ARHGAP18: variants seen among roughly 807,000 people sequenced by gnomAD.
The protein encoded by ARHGAP18 is Rho GTPase activating protein 18.
In ARHGAP18, 67 loss-of-function variants were observed where a neutral mutation model predicts 86.2. That is an observed-to-expected ratio of 0.78 (90% CI 0.64 to 0.95). The LOEUF is 0.95. ARHGAP18 is among the 40% of genes least tolerant of loss of function. The pLI is 0.00. For synonymous variants in ARHGAP18, 283 were observed against 280.4 expected (o/e 1.01, Z -0.09); for missense variants, 691 against 780.4 (o/e 0.89, Z 1.37).
At chr6:129,670,991 T>A (rs890016122) in intron 1 of ARHGAP18, among the ~76,000 whole-genome samples, 34 of 152,200 alleles carry the variant, frequency 2.2e-4, no homozygotes, top group African/African-American at 8.2e-4. Context: ...CTTCAAATCA[T>A]AACATTTGCA....
Position 129,577,756 on chromosome 6 carries a change from T to G in ARHGAP18, c.*757A>C, listed in dbSNP as rs1203678664. 6.6e-6 allele frequency: 1 copy of G among 152,230 alleles called. No homozygotes were observed. Among genetic ancestry groups the G allele is most frequent in the Non-Finnish European group, 1.5e-5 (1 of 68,034 alleles). 9.4% of individuals were successfully genotyped at this position (152,230 alleles called of 1,614,324 possible). A position where few individuals can be genotyped will look rare whatever the true frequency, so the allele number is the denominator to read the frequency against. On this transcript the variant is annotated 3_prime_UTR_variant, in exon 15 of 15. Transcript: ENST00000368149. ...GAAAGTGCTTTGGCTTTCACTCTCT[T>G]GTTATCCATAATCCAATTATTATTT...
At chr6:129,667,449 A>G (rs1024790123) in intron 1 of ARHGAP18, among the ~76,000 whole-genome samples, 1 of 148,682 alleles carries the variant, frequency 6.7e-6, no homozygotes, top group Admixed American at 6.8e-5. Context: ...AACCAGGTCT[A>G]TATCAAAAGA....
chr6:129,672,269 C>T (rs2114528983), intron 1 of ARHGAP18, among the ~76,000 whole-genome samples: 1 of 152,336 alleles, frequency 6.6e-6, no homozygotes, highest in Non-Finnish European at 1.5e-5. Flanking sequence ...TACATCAAGT[C>T]TCACTAATGT....
chr6:129,649,904 CTTTT>C (rs370338328), intron 1 of ARHGAP18, among the ~76,000 whole-genome samples: 12 of 115,640 alleles, frequency 1.0e-4, no homozygotes, highest in Admixed American at 2.6e-4. Context: ...ACTTCGTCTT[CTTTT>C]TTTTTGTTTT....
At chr6:129,701,213 C>T (rs536868799) in intron 1 of ARHGAP18, among the ~76,000 whole-genome samples, 34 of 152,190 alleles carry the variant, frequency 2.2e-4, no homozygotes, top group Admixed American at 6.5e-4. Flanking sequence ...CATTCTCAAA[C>T]GTTACACATT....
chr6:129,595,367 T>A (rs538441710), intron 12 of ARHGAP18, among the ~76,000 whole-genome samples: 367 of 152,304 alleles, frequency 2.4e-3, no homozygotes, highest in Middle Eastern at 0.01. Flanking sequence ...GCCACCTCTG[T>A]TCTTTTGGAT....
rs770790096 is a variant in ARHGAP18, at chr6:129,580,100, C to T, written c.1870G>A (p.Val624Ile). 1 of 1,613,712 alleles carries T rather than the reference C, an allele frequency of 6.2e-7. No individual in the cohort carries two copies. Among genetic ancestry groups the T allele is most frequent in the Non-Finnish European group, 8.5e-7 (1 of 1,179,770 alleles). The change falls in exon 14 of 15, where the codon GTT (valine) becomes ATT (isoleucine). Residue 624 changes from valine to isoleucine, a missense_variant. Coordinates refer to ENST00000368149, the MANE Select transcript of ARHGAP18 (RefSeq NM_033515.3). Reference sequence around the variant, plus strand: ...TTTCCTCCAATTTCATACAAAAAAACTTCTCCTTTCTTGAGAGTCTGGGCA... The same window carrying T: ...TTTCCTCCAATTTCATACAAAAAAATTTCTCCTTTCTTGAGAGTCTGGGCA... Reference protein sequence around the residue: ...GVAQTLKKGEVFLYEIGGNIG... With the variant: ...GVAQTLKKGEIFLYEIGGNIG...
intron 3 of ARHGAP18, among the ~76,000 whole-genome samples, chr6:129,636,213 C>T (rs993312079): frequency 6.6e-6 from 1 of 152,140 alleles, no homozygotes; most frequent in Non-Finnish European, 1.5e-5. Context: ...TAAGCAAGTG[C>T]CTGGAGCAAT....
rs758416176 is a variant in ARHGAP18, at chr6:129,583,947, G to T, written c.1838+41C>A. 6.9e-6 allele frequency: 11 copies of T among 1,590,232 alleles called. No homozygotes were observed. In the South Asian group the frequency reaches 1.2e-4, roughly 18 times the overall value. Reference sequence around the variant, plus strand: ...CGAAGGCGAGAGAGAGAGAGCAAGTGACTTATGCCATGGCATAATTAACAC... The same window carrying T: ...CGAAGGCGAGAGAGAGAGAGCAAGTTACTTATGCCATGGCATAATTAACAC... On this transcript the variant is annotated intron_variant, in intron 13 of 14. Transcript: ENST00000368149.
intron 1 of ARHGAP18, among the ~76,000 whole-genome samples, chr6:129,709,567 G>T (rs923700384): frequency 1.3e-5 from 2 of 151,948 alleles, no homozygotes; most frequent in African/African-American, 4.9e-5. Flanking sequence ...AGCAAAGAGA[G>T]GGGGGAAAAA....
At chr6:129,676,179 C>T (rs1387977957) in intron 1 of ARHGAP18, among the ~76,000 whole-genome samples, 1 of 152,174 alleles carries the variant, frequency 6.6e-6, no homozygotes, top group Non-Finnish European at 1.5e-5. Flanking sequence ...TTCCTCACAT[C>T]TTATGCAGTT....
chr6:129,655,730 T>A (rs910028597), intron 1 of ARHGAP18, among the ~76,000 whole-genome samples: 8 of 152,220 alleles, frequency 5.3e-5, no homozygotes, highest in Non-Finnish European at 1.2e-4. Flanking sequence ...ATTGTTAAAC[T>A]CTAAACAAAC....
chr6:129,638,043 A>T (rs1247627683), intron 3 of ARHGAP18, among the ~76,000 whole-genome samples: 3 of 152,218 alleles, frequency 2.0e-5, no homozygotes, highest in Non-Finnish European at 2.9e-5. Context: ...ATAGGGAAGA[A>T]TACCCTAATC....
intron 1 of ARHGAP18, among the ~76,000 whole-genome samples, chr6:129,664,699 T>G (rs978896218): frequency 6.6e-6 from 1 of 152,224 alleles, no homozygotes; most frequent in Non-Finnish European, 1.5e-5. Context: ...ACACTCTAAA[T>G]GCTGGGGATT....
rs1232644851 is a variant in ARHGAP18 at position 129,618,843 on chromosome 6, A to G, written c.796T>C (p.Leu266=). 6.2e-7 allele frequency: 1 copy of G among 1,611,892 alleles called. No homozygotes were observed. Among genetic ancestry groups the G allele is most frequent in the Admixed American group, 1.7e-5 (1 of 59,696 alleles). ...GDDATLPSFR[L]PKDKTGTTRI... ...GTGGTACCCGTTTTGTCTTTTGGCA[A>G]TCTGAAACTCTAAAATAAACATCAT... Residue 266 remains leucine (L), a synonymous_variant, in exon 6 of 15, where the codon TTG becomes CTG. Transcript: ENST00000368149.
intron 5 of ARHGAP18, among the ~76,000 whole-genome samples, chr6:129,627,430 C>T (rs1002224430): frequency 4.5e-4 from 68 of 151,960 alleles, no homozygotes; most frequent in African/African-American, 1.5e-3. Context: ...AGAAAACATA[C>T]AATCACATAT....
At chr6:129,594,851 A>G (rs915887607) in intron 12 of ARHGAP18, among the ~76,000 whole-genome samples, 1 of 152,190 alleles carries the variant, frequency 6.6e-6, no homozygotes, top group Non-Finnish European at 1.5e-5. Flanking sequence ...AGAACTACAT[A>G]TAAAACATAT....
chr6:129,604,845 A>G (rs1788820613), intron 10 of ARHGAP18, among the ~76,000 whole-genome samples: 1 of 152,228 alleles, frequency 6.6e-6, no homozygotes, highest in South Asian at 2.1e-4. Flanking sequence ...TTTTACCTCC[A>G]GTAATCCCCA....
rs1789377962 is a variant in ARHGAP18, at chr6:129,625,413, A to ATATATAATATATATTT, written c.786+3939_786+3940insAAATATATATTATATA. ...TATTTATACATATGTATTATATATT[A>ATATATAATATATATTT]TATATAATATATATTATATATAATA... On this transcript the variant is annotated intron_variant, in intron 5 of 14. Transcript: ENST00000368149. Among the ~76,000 whole-genome samples, 8 of 28,542 alleles carry ATATATAATATATATTT rather than the reference A, an allele frequency of 2.8e-4. 1 individual carries two copies. Among genetic ancestry groups the ATATATAATATATATTT allele is most frequent in the Non-Finnish European group, 2.8e-4 (5 of 17,904 alleles). The allele number at this position is 28,542 out of a possible 152,430, so 18.7% of individuals were successfully genotyped here.
Sources: gnomAD v4.1 joint callset for allele counts (sites outside exome capture counted in the v4.1 genomes callset) on GRCh38, gnomAD v4.1.1 for gene constraint, MANE v1.5 for transcripts, NCBI Gene and HGNC (gene_info 2026-07-23, HGNC 2026-07-21) for gene names.